The following ELOVL7 variants were observed in gnomAD, a reference collection of about 807,000 sequenced individuals.
ELOVL7 encodes very long chain fatty acid elongase 7.
Under a neutral mutation model 35.7 loss-of-function variants are expected in ELOVL7, and 27 were observed. The observed-to-expected ratio is 0.76, with a 90% CI of 0.56 to 1.04. The LOEUF is 1.04. Ranked by LOEUF, ELOVL7 falls within the 50% of genes least tolerant of loss-of-function variation. The pLI, the probability that ELOVL7 is intolerant of heterozygous loss-of-function variation, is 0.00. For missense variants in ELOVL7, 327 were observed against 340.8 expected (o/e 0.96, Z 0.32); for synonymous variants, 113 against 114.6 (o/e 0.99, Z 0.09).
intron 1 of ELOVL7, among the ~76,000 whole-genome samples, chr5:60,802,375 T>G (rs151106786): frequency 5.9e-5 from 9 of 152,232 alleles, no homozygotes; most frequent in African/African-American, 2.2e-4. Flanking sequence ...CTTTTCTTAA[T>G]GCTTCATAAA....
At chr5:60,802,105 TATATATATATATAC>T (rs1420572405) in intron 1 of ELOVL7, among the ~76,000 whole-genome samples, 2,068 of 12,000 alleles carry the variant, frequency 0.17, 233 homozygotes, top group Non-Finnish European at 0.22. Context: ...TATATATATA[TATATATATATATAC>T]ACACACACAC....
chr5:60,835,557 G>A (rs886847598), intron 1 of ELOVL7, among the ~76,000 whole-genome samples: 2 of 151,796 alleles, frequency 1.3e-5, no homozygotes, highest in African/African-American at 2.4e-5. Context: ...GACTACAGAC[G>A]CATGCCACCA....
At chr5:60,789,435 T>TA (rs1461423280) in intron 2 of ELOVL7, among the ~76,000 whole-genome samples, 4 of 152,234 alleles carry the variant, frequency 2.6e-5, no homozygotes, top group Non-Finnish European at 5.9e-5. Flanking sequence ...ACATTTTTTT[T>TA]ATCAAATGGG....
intron 4 of ELOVL7, 107 bp downstream of exon 4, chr5:60,771,796 T>C (rs1742605641): frequency 2.4e-6 from 2 of 831,644 alleles, no homozygotes; most frequent in African/African-American, 3.4e-5. Flanking sequence ...GATCAGTTTC[T>C]TAATTCCTTA....
At chr5:60,825,967 G>A (rs1746145365) in intron 1 of ELOVL7, among the ~76,000 whole-genome samples, 1 of 152,268 alleles carries the variant, frequency 6.6e-6, no homozygotes, top group South Asian at 2.1e-4. Context: ...AATAGGGCAT[G>A]GAGCCCCATC....
intron 1 of ELOVL7, among the ~76,000 whole-genome samples, chr5:60,839,929 G>T (rs191012565): frequency 6.6e-6 from 1 of 152,174 alleles, no homozygotes; most frequent in Admixed American, 6.5e-5. Context: ...TGAGTCTGGG[G>T]ATTGAGGCTG....
chr5:60,770,498 C>G (rs3857238), intron 4 of ELOVL7, among the ~76,000 whole-genome samples: 41,756 of 152,066 alleles, frequency 0.27, 9,549 homozygotes, highest in African/African-American at 0.63. Context: ...TTCTTAACAC[C>G]TTACTACAAC....
At chr5:60,831,884 C>T (rs1239628822) in intron 1 of ELOVL7, among the ~76,000 whole-genome samples, 2 of 152,168 alleles carry the variant, frequency 1.3e-5, no homozygotes, top group African/African-American at 4.8e-5. Flanking sequence ...ATCACAACTG[C>T]ATTACCTAGA....
At chr5:60,794,528 G>C (rs1744129366) in intron 2 of ELOVL7, among the ~76,000 whole-genome samples, 1 of 151,518 alleles carries the variant, frequency 6.6e-6, no homozygotes, top group African/African-American at 2.5e-5. Context: ...GGAAGCACCA[G>C]ACAAGAGCCC....
intron 2 of ELOVL7, among the ~76,000 whole-genome samples, chr5:60,794,667 C>A (rs1340003299): frequency 6.6e-6 from 1 of 152,232 alleles, no homozygotes; most frequent in Non-Finnish European, 1.5e-5. Flanking sequence ...CTTTCTAGGG[C>A]ATACCTTTAA....
At position 60,837,118 on chromosome 5, in the gene ELOVL7, T is replaced by C. The variant is rs80346882; in HGVS notation, c.-86+7042A>G. Among the ~76,000 whole-genome samples, 1,230 of 151,730 alleles carry C rather than the reference T, an allele frequency of 8.1e-3. 28 individuals are homozygous for C. Among genetic ancestry groups the C allele is most frequent in the African/African-American group, 0.028 (1,163 of 41,144 alleles). On this transcript the variant is annotated intron_variant, in intron 1 of 8. Transcript: ENST00000508821. Reference sequence around the variant, plus strand: ...CCAGACTTTGCTGGCTTCAAAGGATTCATTAGAAAATACAAGTAAAGAGAC... The same window carrying C: ...CCAGACTTTGCTGGCTTCAAAGGATCCATTAGAAAATACAAGTAAAGAGAC...
At position 60,766,579 on chromosome 5, in the gene ELOVL7, C is replaced by G. The variant is rs762385054; in HGVS notation, c.388G>C (p.Asp130His). Residue 130 changes from aspartate (D) to histidine (H), a missense_variant, in exon 6 of 9, where the codon GAT becomes CAT. Coordinates refer to ENST00000508821, the MANE Select transcript of ELOVL7 (RefSeq NM_024930.3). ...TGTGGTGGCCATATACTCACCGTAT[C>G]TAATAGCTCAATAAATTTGGAGAAG... ...YYFSKFIELL[D>H]TIFFVLRKKN... 4 of 1,612,120 alleles carry G rather than the reference C, an allele frequency of 2.5e-6. No homozygotes were observed. In the East Asian group the frequency reaches 8.9e-5, roughly 36 times the overall value.
chr5:60,755,892 T>C (rs1236303988), intron 8 of ELOVL7, among the ~76,000 whole-genome samples: 5 of 152,196 alleles, frequency 3.3e-5, no homozygotes, highest in Non-Finnish European at 5.9e-5. Context: ...TATAAAGAAA[T>C]AGACAACAAT....
chr5:60,807,749 C>T (rs539811742), intron 1 of ELOVL7, among the ~76,000 whole-genome samples: 1 of 151,838 alleles, frequency 6.6e-6, no homozygotes, highest in African/African-American at 2.4e-5. Context: ...CCTGTAATCC[C>T]AGCACTTTGG....
chr5:60,819,445 C>T (rs1298687327), intron 1 of ELOVL7, among the ~76,000 whole-genome samples: 2 of 152,010 alleles, frequency 1.3e-5, no homozygotes, highest in East Asian at 3.9e-4. Flanking sequence ...CCTTTTGCTT[C>T]CCTGTACAAA....
chr5:60,803,289 G>A (rs948975326), intron 1 of ELOVL7, among the ~76,000 whole-genome samples: 1 of 152,204 alleles, frequency 6.6e-6, no homozygotes, highest in South Asian at 2.1e-4. Context: ...TAAGGAAGAA[G>A]AGTGGGTAGC....
chr5:60,769,111 T>C (rs1262233857), intron 4 of ELOVL7, among the ~76,000 whole-genome samples: 2 of 152,150 alleles, frequency 1.3e-5, no homozygotes, highest in African/African-American at 2.4e-5. Context: ...AGTTATAAAA[T>C]CTTGAAAATT....
intron 1 of ELOVL7, among the ~76,000 whole-genome samples, chr5:60,833,329 CTAA>C (rs973206932): frequency 6.6e-6 from 1 of 152,148 alleles, no homozygotes; most frequent in Non-Finnish European, 1.5e-5. Flanking sequence ...GCTCAAAACA[CTAA>C]TGTTTCTCTG....
intron 3 of ELOVL7, among the ~76,000 whole-genome samples, chr5:60,776,320 G>C (rs555704824): frequency 9.1e-4 from 138 of 152,232 alleles, no homozygotes; most frequent in African/African-American, 3.2e-3. Context: ...AAGCAGTTTG[G>C]AGATTTCTCA....
Sources: allele counts gnomAD v4.1 joint callset (sites outside exome capture counted in the v4.1 genomes callset), GRCh38; gene constraint gnomAD v4.1.1; transcripts MANE v1.5; gene names NCBI Gene and HGNC (gene_info 2026-07-23, HGNC 2026-07-21).